CRYBG2: variants seen among roughly 807,000 people sequenced by gnomAD.
CRYBG2 encodes the protein beta/gamma crystallin domain-containing protein 2.
Under a neutral mutation model 153.4 loss-of-function variants are expected in CRYBG2, and 106 were observed. The observed-to-expected ratio is 0.69, with a 90% CI of 0.59 to 0.81. CRYBG2 has a LOEUF of 0.81. Among genes scored for constraint, CRYBG2 ranks in the 30% least tolerant of loss-of-function variants. CRYBG2 has a pLI of 0.00. For missense variants in CRYBG2, 1,996 were observed against 2,112.0 expected (o/e 0.95, Z 1.08); for synonymous variants, 851 against 877.8 (o/e 0.97, Z 0.54).
chr1:26,336,274 G>A lies in CRYBG2; in HGVS notation c.4071+64C>T, dbSNP rs1350573905. ...AGTGGGGCCGAGAACAGCGGGGAGG[G>A]GAAAGGTCCGAAATGAGGGGAGAGA... On this transcript the variant is annotated intron_variant, in intron 13 of 19. Transcript: ENST00000308182. This position sits in a 1 kb window ranked among gnomAD's most constrained non-coding sequence, Gnocchi z 4.9. 103 of 1,603,728 alleles carry A rather than the reference G, an allele frequency of 6.4e-5. No homozygotes were observed. The East Asian group carries it at 2.0e-3, about 31-fold the overall frequency.
At chr1:26,347,284 GTT>G (rs1198055868) in intron 1 of CRYBG2, among the ~76,000 whole-genome samples, 18 of 73,874 alleles carry the variant, frequency 2.4e-4, no homozygotes, top group African/African-American at 8.1e-4. Flanking sequence ...CTCCCCCTGC[GTT>G]TTTTTTTTTT....
chr1:26,326,015 G>C (rs187275779), intron 17 of CRYBG2, among the ~76,000 whole-genome samples: 136 of 151,994 alleles, frequency 8.9e-4, no homozygotes, highest in Non-Finnish European at 1.3e-3. Context: ...TGATCCTCCC[G>C]AGTAGCTGGG....
intron 17 of CRYBG2, chr1:26,324,979 C>T (rs1274371156): frequency 6.6e-6 from 1 of 152,156 alleles, no homozygotes; most frequent in Non-Finnish European, 1.5e-5. Flanking sequence ...CCTACATTAT[C>T]TTCAGTCCTC....
rs185915959 is a variant in CRYBG2 at position 26,340,359 on chromosome 1, C to G, written c.3205-930G>C. Among the ~76,000 whole-genome samples the G allele has an allele frequency of 8.5e-5, 13 of 152,278 alleles. No homozygotes were observed. The East Asian group carries it at 2.5e-3, about 29-fold the overall frequency. The stretch of plus-strand genomic sequence containing the variant: ...AGTGAGGCACGGAGAAGTTAAGCAA[C>G]CTGCCCAAGGTCACACAGCTTGTAA... On this transcript the variant is annotated intron_variant, in intron 5 of 19. Transcript: ENST00000308182.
intron 8 of CRYBG2, 52 bp from the exon 9 acceptor site, chr1:26,337,726 G>A: frequency 6.3e-7 from 1 of 1,594,072 alleles, no homozygotes; most frequent in Non-Finnish European, 8.5e-7. Context: ...CACCCAGCCA[G>A]CTCAGGAATG....
chr1:26,347,822 T>C (rs1315543541), intron 1 of CRYBG2, among the ~76,000 whole-genome samples: 1 of 152,086 alleles, frequency 6.6e-6, no homozygotes, highest in Non-Finnish European at 1.5e-5. Flanking sequence ...TTTGAGGTCT[T>C]GTTATGTTGC....
intron 1 of CRYBG2, among the ~76,000 whole-genome samples, chr1:26,352,794 C>A (rs866478048): frequency 4.0e-5 from 6 of 150,842 alleles, no homozygotes; most frequent in African/African-American, 9.8e-5. Context: ...CCTCCACCCC[C>A]CTTCCCTCTC....
At position 26,346,849 on chromosome 1, in the gene CRYBG2, T is replaced by C. The variant is rs1570212640; in HGVS notation, c.-55-137A>G. On this transcript the variant is annotated intron_variant, in intron 1 of 19. Transcript: ENST00000308182. The surrounding 1 kb of genome is among the most constrained non-coding windows in gnomAD (Gnocchi z 4.9). Reference sequence around the variant, plus strand: ...GCCTTTTTGGGCCATTGCTTTCTCATCTGTGAAATGGGCATGGTAGTCTCA... The same window carrying C: ...GCCTTTTTGGGCCATTGCTTTCTCACCTGTGAAATGGGCATGGTAGTCTCA... The C allele has an allele frequency of 1.7e-6, 1 of 573,952 alleles. No homozygotes were observed. Among genetic ancestry groups the C allele is most frequent in the East Asian group, 2.8e-5 (1 of 35,170 alleles). The allele number at this position is 573,952 out of a possible 1,614,324, so 35.6% of individuals were successfully genotyped here.
rs1165704765 is a variant in CRYBG2, at chr1:26,343,310, T to C, written c.2914-17A>G. Reference sequence around the variant, plus strand: ...GGCTGGGCTCTGAAACGGAGGCAGGTGATAAAGAAGTCCTGTGGGGTCACC... The same window carrying C: ...GGCTGGGCTCTGAAACGGAGGCAGGCGATAAAGAAGTCCTGTGGGGTCACC... On this transcript the variant is annotated splice_polypyrimidine_tract_variant and intron_variant, in intron 2 of 19. Coordinates refer to ENST00000308182, the MANE Select transcript of CRYBG2 (RefSeq NM_001039775.4). This position sits in a 1 kb window ranked among gnomAD's most constrained non-coding sequence, Gnocchi z 4.1. 1 of 1,548,856 alleles carries C rather than the reference T, an allele frequency of 6.5e-7. No individual in the cohort carries two copies. Among genetic ancestry groups the C allele is most frequent in the African/African-American group, 1.4e-5 (1 of 72,424 alleles).
At chr1:26,333,045 A>AAAAAAAAAAAAAAAAAT (rs2074016334) in intron 14 of CRYBG2, among the ~76,000 whole-genome samples, 2 of 138,736 alleles carry the variant, frequency 1.4e-5, no homozygotes, top group African/African-American at 5.6e-5. Context: ...AAAAAAAAAA[A>AAAAAAAAAAAAAAAAAT]AGATTTCTAA....
Position 26,345,795 on chromosome 1 carries a change from C to T in CRYBG2, c.863G>A (p.Ser288Asn), listed in dbSNP as rs1557719126. The change falls in exon 2 of 20, where the codon AGC becomes AAC. Residue 288 changes from serine to asparagine, a missense_variant. Transcript: ENST00000308182. ...GATGCCTGTAGAGGCCAGGGCAGAG[C>T]TGTCTTTAAGCTCTGCTGTCCCGGT... Reference protein sequence around the residue: ...PETGTAELKDSSALASTGIPA... With the variant: ...PETGTAELKDNSALASTGIPA... 1.3e-6 allele frequency: 2 copies of T among 1,596,712 alleles called. No individual in the cohort carries two copies. Among genetic ancestry groups the T allele is most frequent in the Non-Finnish European group, 1.7e-6 (2 of 1,179,114 alleles).
At chr1:26,335,304 C>A (rs985139604) in intron 14 of CRYBG2, among the ~76,000 whole-genome samples, 1 of 151,402 alleles carries the variant, frequency 6.6e-6, no homozygotes. Flanking sequence ...TGGAGAAACC[C>A]CATCTCTACT....
chr1:26,350,094 T>C (rs982593535), intron 1 of CRYBG2, among the ~76,000 whole-genome samples: 1 of 151,908 alleles, frequency 6.6e-6, no homozygotes, highest in Non-Finnish European at 1.5e-5. Flanking sequence ...GGATTACAGG[T>C]GTGAGCCATT....
chr1:26,337,145 A>G, intron 10 of CRYBG2, 108 bp downstream of exon 10: 8 of 1,565,332 alleles, frequency 5.1e-6, no homozygotes, highest in Non-Finnish European at 6.9e-6. Context: ...GGGAACACTT[A>G]CAGGGAGAAC....
rs2073919723 is a variant in CRYBG2, at chr1:26,325,926, G to T, written c.4579-1616C>A. Among the ~76,000 whole-genome samples, 1 of 152,010 alleles carries T rather than the reference G, an allele frequency of 6.6e-6. No homozygotes were observed. ...GCTAAACTATTTTTTTTTTGAGACA[G>T]GGTCTCGCTCTGTCACCCACGCTGG... On this transcript the variant is annotated intron_variant, in intron 17 of 19. Coordinates refer to ENST00000308182, the MANE Select transcript of CRYBG2 (RefSeq NM_001039775.4). The surrounding 1 kb of genome is among the most constrained non-coding windows in gnomAD (Gnocchi z 4.1).
intron 15 of CRYBG2, among the ~76,000 whole-genome samples, chr1:26,330,831 A>T (rs1452181916): frequency 6.6e-6 from 1 of 151,990 alleles, no homozygotes; most frequent in Non-Finnish European, 1.5e-5. Context: ...GAGCCACCAC[A>T]CCTGGCTGGT....
At position 26,337,547 on chromosome 1, in the gene CRYBG2, A is replaced by G; in HGVS notation, c.3635T>C (p.Leu1212Pro). The G allele has an allele frequency of 6.2e-7, 1 of 1,612,332 alleles. No individual in the cohort carries two copies. The highest frequency in any genetic ancestry group is 8.5e-7 in the Non-Finnish European group (1 of 1,179,938). The change falls in exon 9 of 20, where the codon CTC (leucine) becomes CCC (proline). Residue 1212 changes from leucine to proline, a missense_variant. Leu to Pro is a moderately conservative substitution (Grantham distance 98, BLOSUM62 -3). Coordinates refer to ENST00000308182, the MANE Select transcript of CRYBG2 (RefSeq NM_001039775.4). The stretch of plus-strand genomic sequence containing the variant: ...GGTCCTGAGTTCTCACCAGCCTCCG[A>G]GAACTCTCAGGGACCCCACAGAGGC... ...HLASVGSLRV[L>P]GGCWVGYEKE...
At chr1:26,323,103 CAG>C (rs1296359018) in intron 18 of CRYBG2, among the ~76,000 whole-genome samples, 1 of 146,868 alleles carries the variant, frequency 6.8e-6, no homozygotes, top group African/African-American at 2.5e-5. Flanking sequence ...TTTTTTGAGA[CAG>C]AGTCTCCCTC....
rs564390494 is a variant in CRYBG2, at chr1:26,337,616, A to G, written c.3566T>C (p.Ile1189Thr). Residue 1189 changes from isoleucine (I) to threonine (T), a missense_variant, in exon 9 of 20, where the codon ATC becomes ACC. Coordinates refer to ENST00000308182, the MANE Select transcript of CRYBG2 (RefSeq NM_001039775.4). Reference sequence around the variant, plus strand: ...GTCCTCTGGCTGCTGAAGGTTGTAGATGTCTCGGCTCACTTCCCAGCTGCG... The same window carrying G: ...GTCCTCTGGCTGCTGAAGGTTGTAGGTGTCTCGGCTCACTTCCCAGCTGCG... ...QGRSWEVSRD[I>T]YNLQQPEDSQ... is the part of the protein sequence containing the mutation. The G allele has an allele frequency of 6.1e-5, 98 of 1,613,090 alleles. No homozygotes were observed. The Middle Eastern group carries it at 6.6e-4, about 11-fold the overall frequency.
Sources: allele counts gnomAD v4.1 joint callset (sites outside exome capture counted in the v4.1 genomes callset), GRCh38; gene constraint gnomAD v4.1.1; non-coding constraint Gnocchi (gnomAD v3.1); transcripts MANE v1.5; gene names NCBI Gene and HGNC (gene_info 2026-07-23, HGNC 2026-07-21).